The following TMCC1 variants were observed in gnomAD, a reference collection of about 807,000 sequenced individuals.
The protein encoded by TMCC1 is transmembrane and coiled-coil domains protein 1.
A neutral mutation model predicts 52.4 loss-of-function variants in TMCC1; 15 were observed. The observed-to-expected ratio is 0.29, with a 90% confidence interval of 0.19 to 0.44. TMCC1 has a LOEUF of 0.44. Ranked by LOEUF, TMCC1 falls within the 20% of genes least tolerant of loss-of-function variation. The pLI is 1.00. For synonymous variants in TMCC1, 279 were observed against 301.9 expected (o/e 0.92, Z 0.79); for missense variants, 503 against 806.0 (o/e 0.62, Z 4.55).
intron 2 of TMCC1, among the ~76,000 whole-genome samples, chr3:129,855,401 C>T (rs2107914912): frequency 6.6e-6 from 1 of 152,098 alleles, no homozygotes; most frequent in East Asian, 1.9e-4. Context: ...GAACCTCTTA[C>T]TCAACTTATC....
intron 2 of TMCC1, among the ~76,000 whole-genome samples, chr3:129,842,538 T>C (rs1477178540): frequency 6.6e-6 from 1 of 151,794 alleles, no homozygotes; most frequent in African/African-American, 2.4e-5. Context: ...AACAGTTCAG[T>C]ACTATCACCT....
intron 2 of TMCC1, among the ~76,000 whole-genome samples, chr3:129,850,657 GAC>G (rs912422987): frequency 4.1e-4 from 62 of 152,142 alleles, no homozygotes; most frequent in African/African-American, 1.5e-3. Context: ...AGGAATTAAA[GAC>G]ACACACACAC....
At chr3:129,760,770 C>A (rs1208708835) in intron 4 of TMCC1, among the ~76,000 whole-genome samples, 1 of 151,508 alleles carries the variant, frequency 6.6e-6, no homozygotes, top group African/African-American at 2.4e-5. Flanking sequence ...AGCCACCGCA[C>A]CCGGCTAATT....
At chr3:129,700,923 T>C (rs1406762712) in intron 4 of TMCC1, among the ~76,000 whole-genome samples, 1 of 152,224 alleles carries the variant, frequency 6.6e-6, no homozygotes, top group East Asian at 1.9e-4. Context: ...AAGCCAATAC[T>C]AGTTCCAGAG....
intron 2 of TMCC1, among the ~76,000 whole-genome samples, chr3:129,867,291 T>C (rs1291914084): frequency 3.3e-5 from 5 of 152,214 alleles, no homozygotes; most frequent in Non-Finnish European, 5.9e-5. Flanking sequence ...CTCCATGCTT[T>C]CATCCATGTT....
intron 4 of TMCC1, among the ~76,000 whole-genome samples, chr3:129,705,014 C>T (rs184711966): frequency 1.0e-3 from 159 of 152,292 alleles, no homozygotes; most frequent in African/African-American, 3.4e-3. Context: ...GGTCAACAGA[C>T]AATTCTAATA....
At chr3:129,793,544 C>A (rs2056615726) in intron 4 of TMCC1, among the ~76,000 whole-genome samples, 1 of 152,152 alleles carries the variant, frequency 6.6e-6, no homozygotes, top group Non-Finnish European at 1.5e-5. Flanking sequence ...TTTTAAAGAA[C>A]ACAATGGGTT....
In TMCC1 at chr3:129,655,206, G is replaced by A. The variant is rs569979174; in HGVS notation, c.1512-103C>T. On this transcript the variant is annotated intron_variant, in intron 5 of 6. Transcript: ENST00000393238. ...AAACACATTCTACAAAGGAATAGAA[G>A]CACAAAGAAATTGAGTGGCCTGGGT... The A allele has an allele frequency of 2.8e-6, 4 of 1,404,192 alleles. No individual in the cohort carries two copies. In the Admixed American group the frequency reaches 6.8e-5, roughly 24 times the overall value. 87.0% of individuals were successfully genotyped at this position (1,404,192 alleles called of 1,614,324 possible).
chr3:129,683,112 G>A (rs953813674), intron 4 of TMCC1, among the ~76,000 whole-genome samples: 1 of 152,242 alleles, frequency 6.6e-6, no homozygotes, highest in African/African-American at 2.4e-5. Context: ...TGGGATTACA[G>A]GCATGAGCCA....
intron 4 of TMCC1, among the ~76,000 whole-genome samples, chr3:129,809,976 T>A (rs2057709684): frequency 6.6e-6 from 1 of 152,178 alleles, no homozygotes. Flanking sequence ...GAAAACAACA[T>A]GTGAAAGTCA....
chr3:129,706,204 T>G (rs1227430827), intron 4 of TMCC1, among the ~76,000 whole-genome samples: 1 of 151,558 alleles, frequency 6.6e-6, no homozygotes, highest in African/African-American at 2.4e-5. Context: ...CACTTTTTTA[T>G]TTTTTATTTT....
intron 4 of TMCC1, among the ~76,000 whole-genome samples, chr3:129,785,933 C>CTT (rs11391336): frequency 0.042 from 5,386 of 127,576 alleles, 360 homozygotes; most frequent in African/African-American, 0.14. Flanking sequence ...CCCTCACCCC[C>CTT]TTTTTTTTTT....
chr3:129,854,731 T>C (rs960160464), intron 2 of TMCC1, among the ~76,000 whole-genome samples: 3 of 152,330 alleles, frequency 2.0e-5, no homozygotes, highest in South Asian at 2.1e-4. Flanking sequence ...CTTCAGATCA[T>C]AGCACAAGTA....
chr3:129,873,190 C>A (rs552055628), intron 2 of TMCC1, among the ~76,000 whole-genome samples: 9 of 152,116 alleles, frequency 5.9e-5, no homozygotes, highest in African/African-American at 2.2e-4. Context: ...CATGAGCCAC[C>A]GCGCCCAGCC....
At chr3:129,854,969 G>A (rs1228673482) in intron 2 of TMCC1, among the ~76,000 whole-genome samples, 1 of 152,180 alleles carries the variant, frequency 6.6e-6, no homozygotes, top group South Asian at 2.1e-4. Flanking sequence ...TTGCATGAAT[G>A]AACAAATGCA....
At chr3:129,830,357 T>C (rs1248436175) in intron 3 of TMCC1, among the ~76,000 whole-genome samples, 2 of 152,152 alleles carry the variant, frequency 1.3e-5, no homozygotes, top group South Asian at 2.1e-4. Flanking sequence ...AAATATGAAA[T>C]AAACACATAA....
intron 4 of TMCC1, among the ~76,000 whole-genome samples, chr3:129,780,197 G>C (rs915299003): frequency 3.3e-5 from 5 of 152,006 alleles, no homozygotes; most frequent in Admixed American, 1.3e-4. Context: ...GTAAACTGAA[G>C]GGGTCTGCAG....
chr3:129,853,425 G>A (rs1250126798), intron 2 of TMCC1, among the ~76,000 whole-genome samples: 1 of 151,974 alleles, frequency 6.6e-6, no homozygotes, highest in Non-Finnish European at 1.5e-5. Flanking sequence ...AGGAGTTCAA[G>A]ACCAGCCTAC....
chr3:129,808,106 TG>T (rs765048270), intron 4 of TMCC1, among the ~76,000 whole-genome samples: 1 of 71,510 alleles, frequency 1.4e-5, no homozygotes, highest in Non-Finnish European at 2.7e-5. Flanking sequence ...GGGTCGGGGG[TG>T]GGGGGTCAAG....
Sources: allele counts gnomAD v4.1 joint callset (sites outside exome capture counted in the v4.1 genomes callset), GRCh38; gene constraint gnomAD v4.1.1; transcripts MANE v1.5; gene names NCBI Gene and HGNC (gene_info 2026-07-23, HGNC 2026-07-21).